The following CHRM3 variants were observed in gnomAD, a reference collection of about 807,000 sequenced individuals.
CHRM3 encodes the protein cholinergic receptor muscarinic 3.
CHRM3 carries 11 observed loss-of-function variants against 41.8 expected under a neutral mutation model. The observed-to-expected ratio is 0.26, with a 90% CI of 0.17 to 0.44. The LOEUF is 0.44. CHRM3 is among the 20% of genes least tolerant of loss of function. The pLI is 1.00. For synonymous variants in CHRM3, 297 were observed against 301.4 expected (o/e 0.99, Z 0.15); for missense variants, 571 against 745.4 (o/e 0.77, Z 2.72).
At chr1:239,407,035 C>A (rs536129127) in intron 1 of CHRM3, among the ~76,000 whole-genome samples, 41 of 152,284 alleles carry the variant, frequency 2.7e-4, no homozygotes, top group African/African-American at 9.4e-4. Flanking sequence ...AAGATCCAGG[C>A]AAAACTAACC....
chr1:239,633,031 G>A (rs1314225957), intron 4 of CHRM3, among the ~76,000 whole-genome samples: 4 of 152,214 alleles, frequency 2.6e-5, no homozygotes, highest in Non-Finnish European at 5.9e-5. Context: ...GGAGTGCAGT[G>A]GCGCCATCTC....
At chr1:239,654,367 T>G (rs1030246702) in intron 4 of CHRM3, among the ~76,000 whole-genome samples, 2 of 152,184 alleles carry the variant, frequency 1.3e-5, no homozygotes, top group Non-Finnish European at 2.9e-5. Context: ...GACGGTTCAA[T>G]TCTTACTTTT....
At chr1:239,774,357 A>G (rs1298674529) in intron 5 of CHRM3, among the ~76,000 whole-genome samples, 1 of 152,098 alleles carries the variant, frequency 6.6e-6, no homozygotes, top group African/African-American at 2.4e-5. Context: ...CAATGTGCTT[A>G]TTTAGAGAGG....
chr1:239,458,026 G>C (rs61834718), intron 1 of CHRM3, among the ~76,000 whole-genome samples: 9,790 of 151,792 alleles, frequency 0.064, 593 homozygotes, highest in African/African-American at 0.17. Context: ...AGGAAAGTAC[G>C]TGCCACAGGC....
At chr1:239,804,312 C>A (rs1458650550) in intron 5 of CHRM3, among the ~76,000 whole-genome samples, 1 of 150,070 alleles carries the variant, frequency 6.7e-6, no homozygotes, top group Non-Finnish European at 1.5e-5. Context: ...TTCAGTTCAT[C>A]CCATTGTATC....
chr1:239,585,982 T>C (rs1030124827), intron 3 of CHRM3, among the ~76,000 whole-genome samples: 7 of 152,226 alleles, frequency 4.6e-5, no homozygotes, highest in African/African-American at 9.6e-5. Flanking sequence ...TAATTTTGCC[T>C]AGGAGAACTC....
chr1:239,644,182 C>T (rs1671519761), intron 4 of CHRM3, among the ~76,000 whole-genome samples: 3 of 152,136 alleles, frequency 2.0e-5, no homozygotes, highest in Admixed American at 2.0e-4. Context: ...CAGCCCTCAC[C>T]CTGCACATAG....
intron 4 of CHRM3, among the ~76,000 whole-genome samples, chr1:239,653,542 G>A (rs1672433132): frequency 6.6e-6 from 1 of 151,452 alleles, no homozygotes; most frequent in South Asian, 2.1e-4. Context: ...GGAGGGGAAG[G>A]TGGTCGTCTC....
chr1:239,729,875 C>T (rs1009236583), intron 5 of CHRM3, among the ~76,000 whole-genome samples: 1 of 151,926 alleles, frequency 6.6e-6, no homozygotes, highest in Non-Finnish European at 1.5e-5. Flanking sequence ...CTACTACTTT[C>T]GAGTTTGGGT....
chr1:239,730,462 A>T (rs1041577799), intron 5 of CHRM3: 5 of 151,986 alleles, frequency 3.3e-5, no homozygotes, highest in African/African-American at 9.7e-5. Flanking sequence ...AGGGTTTCTA[A>T]CTCACAGAAG....
chr1:239,455,166 C>A (rs1362862276), intron 1 of CHRM3, among the ~76,000 whole-genome samples: 3 of 152,086 alleles, frequency 2.0e-5, no homozygotes, highest in African/African-American at 7.2e-5. Flanking sequence ...ATTTTCCTGT[C>A]TCAGCCTCCC....
At chr1:239,572,498 T>A (rs535017518) in intron 3 of CHRM3, among the ~76,000 whole-genome samples, 1 of 152,216 alleles carries the variant, frequency 6.6e-6, no homozygotes, top group East Asian at 1.9e-4. Context: ...ATTTGCATCA[T>A]GATGATATAC....
rs138437523 is a variant in CHRM3, at chr1:239,654,636, T to C, written c.-250+22350T>C. On this transcript the variant is annotated intron_variant, in intron 4 of 6. Coordinates refer to ENST00000676153, the MANE Select transcript of CHRM3 (RefSeq NM_001375978.1). Reference sequence around the variant, plus strand: ...AAAGTCTCGAAATCCTGACCTCAGGTAATCCGCCCTCCTTGGCCTCCCAAA... The same window carrying C: ...AAAGTCTCGAAATCCTGACCTCAGGCAATCCGCCCTCCTTGGCCTCCCAAA... Among the ~76,000 whole-genome samples, 771 of 152,238 alleles carry C rather than the reference T, an allele frequency of 5.1e-3. 6 individuals are homozygous for C. The highest frequency in any genetic ancestry group is 0.018 in the African/African-American group (744 of 41,550).
chr1:239,705,551 A>G (rs545067114), intron 5 of CHRM3: 4 of 152,118 alleles, frequency 2.6e-5, no homozygotes, highest in Non-Finnish European at 5.9e-5. Context: ...TTGTAGATGA[A>G]TCTCTGCCTT....
At chr1:239,499,049 G>A (rs16838374) in intron 2 of CHRM3, among the ~76,000 whole-genome samples, 2,140 of 152,262 alleles carry the variant, frequency 0.014, 37 homozygotes, top group Middle Eastern at 0.051. Context: ...AGATGCTTGA[G>A]AACTGTTTGA....
intron 2 of CHRM3, among the ~76,000 whole-genome samples, chr1:239,519,554 C>CT (rs915008023): frequency 5.3e-5 from 8 of 152,014 alleles, no homozygotes; most frequent in African/African-American, 1.7e-4. Context: ...CAAGTATTCT[C>CT]TTTTTTATCA....
intron 5 of CHRM3, among the ~76,000 whole-genome samples, chr1:239,798,982 A>G (rs912870701): frequency 3.9e-5 from 6 of 152,194 alleles, no homozygotes; most frequent in African/African-American, 9.7e-5. Context: ...TAAAGATGAA[A>G]GTGTAGCTAG....
chr1:239,435,406 A>G (rs1010837248), intron 1 of CHRM3, among the ~76,000 whole-genome samples: 40 of 150,914 alleles, frequency 2.7e-4, no homozygotes, highest in African/African-American at 4.6e-4. Flanking sequence ...CCGAGATTGC[A>G]CCACTGCACT....
At chr1:239,743,527 C>T (rs185070842) in intron 5 of CHRM3, among the ~76,000 whole-genome samples, 2 of 152,176 alleles carry the variant, frequency 1.3e-5, no homozygotes, top group East Asian at 1.9e-4. Flanking sequence ...AGGAGTCTTG[C>T]GGGCACTTTA....
Sources: allele counts gnomAD v4.1 joint callset (sites outside exome capture counted in the v4.1 genomes callset), GRCh38; gene constraint gnomAD v4.1.1; transcripts MANE v1.5; gene names NCBI Gene and HGNC (gene_info 2026-07-23, HGNC 2026-07-21).